FAT1: variants seen among roughly 807,000 people sequenced by gnomAD.
FAT1 encodes the protein protocadherin Fat 1.
Under a neutral mutation model 329.8 loss-of-function variants are expected in FAT1, and 171 were observed. That is an observed-to-expected ratio of 0.52 (90% CI 0.46 to 0.59). The LOEUF (loss-of-function observed/expected upper bound fraction) is 0.59, where lower values mean the gene tolerates loss of function less well. Among genes scored for constraint, FAT1 ranks in the 20% least tolerant of loss-of-function variants. The probability of loss-of-function intolerance (pLI) is 0.00; values close to 1 mark genes in which losing one functional copy is unlikely to be tolerated. For missense variants in FAT1, 5,672 were observed against 5,774.4 expected, an observed-to-expected ratio of 0.98 and a Z score of 0.57; for synonymous variants, 2,233 against 2,228.6, an observed-to-expected ratio of 1.00 and a Z score of -0.06.
chr4:186,689,192 G>A (rs182662862), intron 2 of FAT1, among the ~76,000 whole-genome samples: 5 of 152,274 alleles, frequency 3.3e-5, no homozygotes, highest in African/African-American at 1.2e-4. Flanking sequence ...AAATCACTCT[G>A]TAAAAATATC....
intron 2 of FAT1, among the ~76,000 whole-genome samples, chr4:186,675,356 ACT>A (rs1305131291): frequency 6.6e-6 from 1 of 151,590 alleles, no homozygotes; most frequent in Non-Finnish European, 1.5e-5. Flanking sequence ...AGTACCAGTT[ACT>A]CAGGAGGCTG....
Position 186,596,114 on chromosome 4 carries a change from AAT to A in FAT1, c.13001-290_13001-289del, listed in dbSNP as rs1189281809. Among the ~76,000 whole-genome samples the A allele has an allele frequency of 6.6e-6, 1 of 151,658 alleles. No homozygotes were observed. Among genetic ancestry groups the A allele is most frequent in the East Asian group, 1.9e-4 (1 of 5,192 alleles). On this transcript the variant is annotated intron_variant, in intron 25 of 26. Coordinates refer to ENST00000441802, the MANE Select transcript of FAT1 (RefSeq NM_005245.4). The surrounding 1 kb of genome is among the most constrained non-coding windows in gnomAD (Gnocchi z 4.7). ...AAAGGCTGCTAAAATTTTGTTTTAA[AAT>A]AGTATGTACAGCTTTAAAAGAAAAA...
Position 186,604,291 on chromosome 4 carries a change from A to T in FAT1, c.10548+86T>A, listed in dbSNP as rs182011231. Reference sequence around the variant, plus strand: ...GAAAGTTTGTTTTTGTATGAAATGTAAGCTGTTCAAATAGAAGAGGGGAAC... The same window carrying T: ...GAAAGTTTGTTTTTGTATGAAATGTTAGCTGTTCAAATAGAAGAGGGGAAC... On this transcript the variant is annotated intron_variant, in intron 18 of 26. Coordinates refer to ENST00000441802, the MANE Select transcript of FAT1 (RefSeq NM_005245.4). 1,243 of 1,119,626 alleles carry T rather than the reference A, an allele frequency of 1.1e-3. 4 individuals carry two copies. The highest frequency in any genetic ancestry group is 2.9e-3 in the Admixed American group (124 of 42,958). 69.4% of individuals were successfully genotyped at this position (1,119,626 alleles called of 1,614,324 possible).
At chr4:186,632,565 G>C (rs1740646440) in intron 7 of FAT1, among the ~76,000 whole-genome samples, 1 of 152,048 alleles carries the variant, frequency 6.6e-6, no homozygotes, top group Admixed American at 6.6e-5. Context: ...CACCATACTA[G>C]AACTTTTACA....
rs1744867387 is a variant in FAT1 at position 186,709,813 on chromosome 4, C to G, written c.15G>C (p.Leu5Phe). The G allele has an allele frequency of 6.2e-7, 1 of 1,603,056 alleles. No individual in the cohort carries two copies. Among genetic ancestry groups the G allele is most frequent in the Non-Finnish European group, 8.5e-7 (1 of 1,173,516 alleles). Residue 5 changes from leucine (L) to phenylalanine (F), a missense_variant, in exon 2 of 27, where the codon TTG becomes TTC. This residue lies in a region of FAT1 where 3,966 missense variants were observed against 3,915.2 expected (regional missense o/e 1.01). Transcript: ENST00000441802. ...GAAGGAGCAGAAGCAGGAGCAAAGCCAAATGTCTCCCCATTGCTTAACTGT... is the reference window on the plus strand; with the variant it reads ...GAAGGAGCAGAAGCAGGAGCAAAGCGAAATGTCTCCCCATTGCTTAACTGT... MGRH[L>F]ALLLLLLLLF... is the part of the protein sequence containing the mutation.
At chr4:186,641,422 T>A (rs9996710) in intron 3 of FAT1, among the ~76,000 whole-genome samples, 2 of 151,952 alleles carry the variant, frequency 1.3e-5, no homozygotes, top group Non-Finnish European at 2.9e-5. Context: ...AAATGTACCA[T>A]CCTCTCCTAA....
Position 186,601,370 on chromosome 4 carries a change from T to A in FAT1, c.11539A>T (p.Asn3847Tyr). 6.2e-7 allele frequency: 1 copy of A among 1,613,698 alleles called. No individual in the cohort carries two copies. Among genetic ancestry groups the A allele is most frequent in the Non-Finnish European group, 8.5e-7 (1 of 1,179,606 alleles). The change falls in exon 21 of 27, where the codon AAT becomes TAT. Residue 3847 changes from asparagine to tyrosine, a missense_variant. Around this residue, in one of 2 missense-constraint regions of FAT1, gnomAD observed 1,706 missense variants for 1,859.1 expected, o/e 0.92. Transcript: ENST00000441802. ...NSYVKYRLTE[N>Y]ENKLEMKLTM... ...AGTTTCATCTCTAATTTGTTTTCAT[T>A]TTCCGTCAGACGGTATTTCACGTAG...
At position 186,614,451 on chromosome 4, in the gene FAT1, G is replaced by A. The variant is rs1244538079; in HGVS notation, c.9076-107C>T. 16 of 701,556 alleles carry A rather than the reference G, an allele frequency of 2.3e-5. No individual in the cohort carries two copies. The East Asian group carries it at 4.5e-4, about 20-fold the overall frequency. The allele number at this position is 701,556 out of a possible 1,614,324, so 43.5% of individuals were successfully genotyped here. A position where few individuals can be genotyped will look rare whatever the true frequency, so the allele number is the denominator to read the frequency against. On this transcript the variant is annotated intron_variant, in intron 11 of 26. Transcript: ENST00000441802. ...ATTCATCTTTGACCACAGAAAACAT[G>A]GGAAATGACTAAAGATAAAATCCCA... is the stretch of plus-strand genomic sequence containing the variant.
chr4:186,632,726 T>C (rs565087107), intron 7 of FAT1, among the ~76,000 whole-genome samples: 1 of 152,354 alleles, frequency 6.6e-6, no homozygotes, highest in Admixed American at 6.5e-5. Context: ...TCACCGACTA[T>C]AATTTTTATC....
At chr4:186,710,542 A>G (rs1356276476) in intron 1 of FAT1, among the ~76,000 whole-genome samples, 3 of 152,234 alleles carry the variant, frequency 2.0e-5, no homozygotes, top group African/African-American at 7.2e-5. Flanking sequence ...TAAGCCCCAA[A>G]GAAAGGCAAT....
At chr4:186,605,091 T>C (rs187620025) in intron 17 of FAT1, among the ~76,000 whole-genome samples, 1,564 of 151,132 alleles carry the variant, frequency 0.01, 30 homozygotes, top group African/African-American at 0.036. Context: ...TGGTGGTGGG[T>C]GCCTGTAATC....
chr4:186,698,745 G>A (rs923540034), intron 2 of FAT1, among the ~76,000 whole-genome samples: 1 of 152,174 alleles, frequency 6.6e-6, no homozygotes. Flanking sequence ...GGCCTGTTAG[G>A]GCAATGCGGC....
At chr4:186,726,188 A>C (rs560378415), upstream of FAT1, among the ~76,000 whole-genome samples, 4 of 152,398 alleles carry the variant, frequency 2.6e-5, no homozygotes, top group East Asian at 7.7e-4. Flanking sequence ...CGAATCTTTC[A>C]TCGCCGATCC....
intron 2 of FAT1, among the ~76,000 whole-genome samples, chr4:186,685,050 T>A (rs750460230): frequency 2.6e-5 from 4 of 152,122 alleles, no homozygotes; most frequent in Non-Finnish European, 5.9e-5. Flanking sequence ...ACAGCCACAG[T>A]CTCAAAGCCA....
At chr4:186,590,510 C>T (rs575126787) in intron 26 of FAT1, 2 of 634,254 alleles carry the variant, frequency 3.2e-6, no homozygotes, top group Admixed American at 2.3e-5. Flanking sequence ...CTTACAGAGG[C>T]CCAATCAGCC....
chr4:186,638,146 C>A (rs1740920802), intron 4 of FAT1, among the ~76,000 whole-genome samples: 1 of 152,210 alleles, frequency 6.6e-6, no homozygotes, highest in African/African-American at 2.4e-5. Context: ...CCAGCACTGG[C>A]TCTCAAATAT....
chr4:186,714,878 G>GA (rs1319777771), intron 1 of FAT1, among the ~76,000 whole-genome samples: 5 of 152,202 alleles, frequency 3.3e-5, no homozygotes, highest in Non-Finnish European at 7.3e-5. Context: ...AAGAGACCGA[G>GA]ACCATCCTGG....
intron 2 of FAT1, among the ~76,000 whole-genome samples, chr4:186,692,534 G>C (rs1040616630): frequency 1.4e-4 from 22 of 152,190 alleles, no homozygotes; most frequent in African/African-American, 4.8e-4. Flanking sequence ...GGATGGTCTC[G>C]ATCTCCTGAC....
At chr4:186,683,669 C>T (rs1168205940) in intron 2 of FAT1, among the ~76,000 whole-genome samples, 2 of 152,096 alleles carry the variant, frequency 1.3e-5, no homozygotes, top group Non-Finnish European at 2.9e-5. Context: ...TGCCACTCTT[C>T]TCCCTCCCAC....
Sources: gnomAD v4.1 joint callset for allele counts (sites outside exome capture counted in the v4.1 genomes callset) on GRCh38, gnomAD v4.1.1 for gene constraint, gnomAD v4.1.1 regional missense constraint, Gnocchi (gnomAD v3.1) non-coding constraint, MANE v1.5 for transcripts, NCBI Gene and HGNC (gene_info 2026-07-23, HGNC 2026-07-21) for gene names.